FGF13: variants seen among roughly 807,000 people sequenced by gnomAD.
FGF13 encodes the protein fibroblast growth factor homologous factor 2.
FGF13 carries 2 observed loss-of-function variants against 19.5 expected under a neutral mutation model. The observed-to-expected ratio is 0.10, with a 90% CI of 0.04 to 0.32. The LOEUF is 0.32. Ranked by LOEUF, FGF13 falls within the 10% of genes least tolerant of loss-of-function variation. The pLI, the probability that FGF13 is intolerant of heterozygous loss-of-function variation, is 1.00. For synonymous variants in FGF13, 72 were observed against 76.9 expected, an observed-to-expected ratio of 0.94 and a Z score of 0.33; for missense variants, 113 against 192.7, an observed-to-expected ratio of 0.59 and a Z score of 2.45.
intron 1 of FGF13, among the ~76,000 whole-genome samples, chrX:139,163,628 T>C (rs1386841156): frequency 1.8e-5 from 2 of 110,940 alleles, no homozygotes; most frequent in African/African-American, 6.6e-5. Context: ...TTGTTGGAGG[T>C]CATTCAGCTT....
intron 1 of FGF13, among the ~76,000 whole-genome samples, chrX:138,950,069 C>G (rs1313563351): frequency 8.9e-6 from 1 of 111,903 alleles, no homozygotes; most frequent in Non-Finnish European, 1.9e-5. Flanking sequence ...GAGCAAGTTC[C>G]ACATTCTTCT....
chrX:139,068,336 T>A (rs1319538901), intron 1 of FGF13, among the ~76,000 whole-genome samples: 51 of 103,304 alleles, frequency 4.9e-4, no homozygotes, highest in South Asian at 2.2e-3. Flanking sequence ...TTCTGTTCCA[T>A]GGATCTATAT....
At chrX:138,869,051 C>A (rs1459970846) in intron 1 of FGF13, among the ~76,000 whole-genome samples, 1 of 111,464 alleles carries the variant, frequency 9.0e-6, no homozygotes, top group Admixed American at 9.5e-5. Flanking sequence ...TCCATAACCA[C>A]CCCCCAAAAG....
At chrX:138,685,877 A>G (rs1252672121) in intron 3 of FGF13, among the ~76,000 whole-genome samples, 1 of 109,451 alleles carries the variant, frequency 9.1e-6, no homozygotes. Context: ...TTGACCCTCA[A>G]TGTATTCTGA....
At chrX:138,737,118 G>A (rs1274219708) in intron 1 of FGF13, among the ~76,000 whole-genome samples, 1 of 111,626 alleles carries the variant, frequency 9.0e-6, no homozygotes, top group Non-Finnish European at 1.9e-5. Flanking sequence ...TAGCTTCCCT[G>A]AGGATCAAAT....
At chrX:138,707,045 C>T (rs1235588510) in intron 2 of FGF13, among the ~76,000 whole-genome samples, 1 of 111,912 alleles carries the variant, frequency 8.9e-6, no homozygotes, top group East Asian at 2.8e-4. Context: ...AAATGCCATG[C>T]GTATCAGTCA....
chrX:139,035,629 C>CT (rs1182683866), intron 1 of FGF13, among the ~76,000 whole-genome samples: 1 of 111,348 alleles, frequency 9.0e-6, no homozygotes, highest in Non-Finnish European at 1.9e-5. Context: ...CTGGACAATG[C>CT]TCCCAATACC....
rs751715621 is a variant in FGF13, at chrX:138,880,418, C to T, written c.-112-15768G>A. Among the ~76,000 whole-genome samples, 139 of 111,886 alleles carry T rather than the reference C, an allele frequency of 1.2e-3. 1 individual carries two copies. The highest frequency in any genetic ancestry group is 9.2e-3 in the Middle Eastern group (2 of 218). ...GTGGCACTATTTACAATAGCAAAGA[C>T]TTGGAACCAACCCAAATGCCCACCA... is the stretch of plus-strand genomic sequence containing the variant. On this transcript the variant is annotated intron_variant, in intron 1 of 2. Coordinates refer to the FGF13 transcript ENST00000421460.
intron 3 of FGF13, among the ~76,000 whole-genome samples, chrX:138,669,828 T>C (rs757415145): frequency 9.0e-6 from 1 of 111,616 alleles, no homozygotes; most frequent in African/African-American, 3.2e-5. Context: ...AGATACAAGC[T>C]GTAGAAGAGC....
intron 1 of FGF13, among the ~76,000 whole-genome samples, chrX:138,736,708 T>TTA (rs2090277656): frequency 1.8e-5 from 2 of 110,903 alleles, no homozygotes; most frequent in Non-Finnish European, 3.8e-5. Flanking sequence ...ATATACTGTT[T>TTA]TATATATATA....
intron 3 of FGF13, among the ~76,000 whole-genome samples, chrX:138,812,674 G>C (rs1489563861): frequency 9.0e-6 from 1 of 111,360 alleles, no homozygotes; most frequent in African/African-American, 3.3e-5. Flanking sequence ...GTTTTTACAT[G>C]AATAAGATTT....
rs775264000 is a variant in FGF13 at position 138,633,809 on chromosome X, G to C, written c.602-823C>G. Among the ~76,000 whole-genome samples, 10 of 111,640 alleles carry C rather than the reference G, an allele frequency of 9.0e-5. No individual in the cohort carries two copies. The East Asian group carries it at 2.8e-3, about 32-fold the overall frequency. ...ATACACAGGTAAATAACCTGTTCAA[G>C]ACCATCCAGTTAGCAAAAAGTGAAG... On this transcript the variant is annotated intron_variant, in intron 4 of 4. Transcript: ENST00000315930.
At chrX:139,117,031 C>G (rs1305354999) in intron 1 of FGF13, among the ~76,000 whole-genome samples, 1 of 111,365 alleles carries the variant, frequency 9.0e-6, no homozygotes, top group Non-Finnish European at 1.9e-5. Context: ...GTATTATCAA[C>G]TACCATTAAC....
chrX:138,822,201 T>A (rs1339638934), intron 3 of FGF13, among the ~76,000 whole-genome samples: 4 of 112,377 alleles, frequency 3.6e-5, no homozygotes, highest in Non-Finnish European at 5.6e-5. Flanking sequence ...TGTAGCACTA[T>A]ATTCTTCACA....
Position 138,878,257 on chromosome X carries a change from C to T in FGF13, c.-112-13607G>A, listed in dbSNP as rs1285125324. Among the ~76,000 whole-genome samples, 3 of 105,567 alleles carry T rather than the reference C, an allele frequency of 2.8e-5. No individual in the cohort carries two copies. In the East Asian group the frequency reaches 9.4e-4, roughly 33 times the overall value. 91.7% of individuals were successfully genotyped at this position (105,567 alleles called of 115,157 possible). A position where few individuals can be genotyped will look rare whatever the true frequency, so the allele number is the denominator to read the frequency against. On this transcript the variant is annotated intron_variant, in intron 1 of 2. Transcript: ENST00000421460. ...TGTTGGTGTGCTGCACCCATTAATT[C>T]GTCATTTAACATTAGGTATATCTCC... is the stretch of plus-strand genomic sequence containing the variant.
intron 1 of FGF13, among the ~76,000 whole-genome samples, chrX:139,081,970 C>T (rs777558155): frequency 9.0e-6 from 1 of 111,614 alleles, no homozygotes; most frequent in East Asian, 2.8e-4. Flanking sequence ...CAGGTTACAT[C>T]AATCTCCTGC....
At chrX:139,063,411 C>A (rs969726578) in intron 1 of FGF13, among the ~76,000 whole-genome samples, 1 of 111,099 alleles carries the variant, frequency 9.0e-6, no homozygotes, top group South Asian at 3.8e-4. Flanking sequence ...TTAGTTAGGA[C>A]GGCAATTATA....
chrX:139,070,439 C>T (rs1005416749), intron 1 of FGF13, among the ~76,000 whole-genome samples: 23 of 112,256 alleles, frequency 2.0e-4, no homozygotes, highest in African/African-American at 6.8e-4. Flanking sequence ...TACCATCTCA[C>T]GCCAGTTAGA....
At chrX:138,917,179 G>A (rs773051516) in intron 1 of FGF13, among the ~76,000 whole-genome samples, 1 of 111,987 alleles carries the variant, frequency 8.9e-6, no homozygotes, top group Non-Finnish European at 1.9e-5. Flanking sequence ...CTCCTGCACT[G>A]TTATGGACTG....
Sources: gnomAD v4.1 joint callset for allele counts (sites outside exome capture counted in the v4.1 genomes callset) on GRCh38, gnomAD v4.1.1 for gene constraint, MANE v1.5 for transcripts, NCBI Gene and HGNC (gene_info 2026-07-23, HGNC 2026-07-21) for gene names.